The following JAK2 variants were observed in gnomAD, a reference collection of about 807,000 sequenced individuals.
JAK2 encodes tyrosine-protein kinase JAK2.
A neutral mutation model predicts 139.3 loss-of-function variants in JAK2; 86 were observed. The observed-to-expected ratio is 0.62, with a 90% CI of 0.52 to 0.74. The LOEUF is 0.74. Ranked by LOEUF, JAK2 falls within the 30% of genes least tolerant of loss-of-function variation. The pLI, the probability that JAK2 is intolerant of heterozygous loss-of-function variation, is 0.00. For missense variants in JAK2, 1,421 were observed against 1,360.3 expected, an observed-to-expected ratio of 1.04 and a Z score of -0.70; for synonymous variants, 490 against 437.7, an observed-to-expected ratio of 1.12 and a Z score of -1.49.
chr9:5,061,189 T>C (rs1020849679), intron 8 of JAK2, among the ~76,000 whole-genome samples: 5 of 152,206 alleles, frequency 3.3e-5, no homozygotes, highest in Admixed American at 2.0e-4. Context: ...CCTGGGATTT[T>C]TGGAATGGTA....
In JAK2 at chr9:5,081,757, C is replaced by G. The variant is rs1370354879; in HGVS notation, c.2467C>G (p.Pro823Ala). ...ACTATTAACAGAAAATGACATGTTACCAAATATGAGGATAGGTGCCCTGGG... is the reference window on the plus strand; with the variant it reads ...ACTATTAACAGAAAATGACATGTTAGCAAATATGAGGATAGGTGCCCTGGG... ...YELLTENDMLPNMRIGALGFS... is the reference protein window; with the variant it reads ...YELLTENDMLANMRIGALGFS... The change falls in exon 19 of 25, where the codon CCA becomes GCA. Residue 823 changes from proline to alanine, a missense_variant. Transcript: ENST00000381652. 3 of 1,600,454 alleles carry G rather than the reference C, an allele frequency of 1.9e-6. No homozygotes were observed. The highest frequency in any genetic ancestry group is 2.2e-5 in the East Asian group (1 of 44,806).
intron 2 of JAK2, among the ~76,000 whole-genome samples, chr9:4,992,882 C>G (rs1370207406): frequency 1.3e-5 from 2 of 152,166 alleles, no homozygotes. Context: ...GGTCTCAGTC[C>G]TGCTTCCTGG....
intron 12 of JAK2, among the ~76,000 whole-genome samples, chr9:5,070,750 G>T (rs1818903389): frequency 6.6e-6 from 1 of 151,894 alleles, no homozygotes; most frequent in African/African-American, 2.4e-5. Flanking sequence ...GACCTGTGCA[G>T]TCCAAACCCA....
At position 5,054,442 on chromosome 9, in the gene JAK2, C is replaced by A. The variant is rs1472721493; in HGVS notation, c.615-121C>A. 11 of 736,840 alleles carry A rather than the reference C, an allele frequency of 1.5e-5. No homozygotes were observed. The highest frequency in any genetic ancestry group is 2.5e-5 in the Non-Finnish European group (11 of 444,668). The allele number at this position is 736,840 out of a possible 1,614,324, so 45.6% of individuals were successfully genotyped here. On this transcript the variant is annotated intron_variant, in intron 6 of 24. Transcript: ENST00000381652. This position sits in a 1 kb window ranked among gnomAD's most constrained non-coding sequence, Gnocchi z 4.9. ...GGTTATGTCAACTTACGCCACTTGG[C>A]CACTGTGTTGTAAGGCCTACTTAAT...
intron 19 of JAK2, among the ~76,000 whole-genome samples, chr9:5,086,712 CCT>C (rs1481786459): frequency 6.6e-6 from 1 of 152,116 alleles, no homozygotes; most frequent in African/African-American, 2.4e-5. Flanking sequence ...CTGAAATCTC[CCT>C]GTCTGACTAT....
chr9:5,057,318 G>C (rs991662285), intron 8 of JAK2, among the ~76,000 whole-genome samples: 1 of 151,938 alleles, frequency 6.6e-6, no homozygotes, highest in Non-Finnish European at 1.5e-5. Context: ...AGTGTATTAT[G>C]TGTTAGTAAC....
intron 22 of JAK2, among the ~76,000 whole-genome samples, chr9:5,096,349 C>T (rs778329902): frequency 6.6e-6 from 1 of 152,146 alleles, no homozygotes; most frequent in Non-Finnish European, 1.5e-5. Flanking sequence ...CCAAGGACTG[C>T]AAAACTCTAT....
intron 22 of JAK2, among the ~76,000 whole-genome samples, chr9:5,117,571 T>G (rs937842542): frequency 6.6e-6 from 1 of 152,194 alleles, no homozygotes; most frequent in African/African-American, 2.4e-5. Flanking sequence ...CTTGCAAAAA[T>G]GTAAAACAAT....
At chr9:5,118,575 G>C (rs964189285) in intron 22 of JAK2, among the ~76,000 whole-genome samples, 2 of 152,114 alleles carry the variant, frequency 1.3e-5, no homozygotes, top group East Asian at 3.8e-4. Flanking sequence ...CAATTGGTTT[G>C]TATATCCTCG....
intron 21 of JAK2, 72 bp from the exon 22 acceptor site, chr9:5,090,667 T>A: frequency 6.6e-7 from 1 of 1,518,248 alleles, no homozygotes; most frequent in South Asian, 1.3e-5. Flanking sequence ...ATAAAGGGAA[T>A]ATATAGGGTT....
chr9:5,069,978 T>C lies in JAK2; in HGVS notation c.1567T>C (p.Ser523Pro). The change falls in exon 12 of 25, where the codon TCA becomes CCA. Residue 523 changes from serine (S) to proline (P), a missense_variant. Transcript: ENST00000381652. ...GAATGGTGTTTCTGATGTACCAACC[T>C]CACCAACATTACAGAGGCCTACTCA... is the stretch of plus-strand genomic sequence containing the variant. ...RTNGVSDVPT[S>P]PTLQRPTHMN... 1 of 1,608,024 alleles carries C rather than the reference T, an allele frequency of 6.2e-7. No individual in the cohort carries two copies. Among genetic ancestry groups the C allele is most frequent in the South Asian group, 1.1e-5 (1 of 90,634 alleles).
intron 2 of JAK2, among the ~76,000 whole-genome samples, chr9:5,013,064 G>GA (rs1288124625): frequency 6.6e-6 from 1 of 152,070 alleles, no homozygotes. Flanking sequence ...ATATAGGGGT[G>GA]AAAAAAGAGA....
intron 22 of JAK2, among the ~76,000 whole-genome samples, chr9:5,116,304 A>T (rs2130825997): frequency 6.6e-6 from 1 of 152,320 alleles, no homozygotes; most frequent in Non-Finnish European, 1.5e-5. Context: ...TAACCATGAT[A>T]ATGCTTTAAT....
At chr9:5,044,598 A>G (rs1816864341) in intron 5 of JAK2, 78 bp downstream of exon 5, 1 of 892,352 alleles carries the variant, frequency 1.1e-6, no homozygotes, top group Non-Finnish European at 1.7e-6. Flanking sequence ...TAATCAGGAA[A>G]AACTTTACAT....
At chr9:5,099,092 T>G (rs1288156613) in intron 22 of JAK2, 1 of 152,132 alleles carries the variant, frequency 6.6e-6, no homozygotes, top group African/African-American at 2.4e-5. Flanking sequence ...CCAACAGAAA[T>G]ACCCATCCAT....
At chr9:5,117,856 A>G (rs1823324951) in intron 22 of JAK2, among the ~76,000 whole-genome samples, 1 of 152,208 alleles carries the variant, frequency 6.6e-6, no homozygotes, top group African/African-American at 2.4e-5. Flanking sequence ...AGAGGCTAAT[A>G]GTAGAGAGGC....
chr9:5,072,566 A>T lies in JAK2; in HGVS notation c.1716A>T (p.Gln572His), dbSNP rs371734553. The part of the protein sequence containing the change: ...GVRREVGDYG[Q>H]LHETEVLLKV... ...GAAGAGAAGTAGGAGACTACGGTCA[A>T]CTGCATGAAACAGAAGTTCTTTTAA... Residue 572 changes from glutamine (Q) to histidine (H), a missense_variant, in exon 13 of 25, where the codon CAA (glutamine) becomes CAT (histidine). By Grantham distance (24) the Gln-to-His change is conservative (BLOSUM62 0). Coordinates refer to ENST00000381652, the MANE Select transcript of JAK2 (RefSeq NM_004972.4). The T allele has an allele frequency of 1.9e-6, 3 of 1,611,394 alleles. No homozygotes were observed. The African/African-American group carries it at 4.0e-5, about 22-fold the overall frequency.
Position 5,054,908 on chromosome 9 carries a change from GTTCT to G in JAK2, c.936+27_936+30del. ...AGGTAATCCTTAATGATATGTTCTTGTTCTTTGTTATTTTAAGTACAATGGAAAT... is the reference window on the plus strand; with the variant it reads ...AGGTAATCCTTAATGATATGTTCTTGTTGTTATTTTAAGTACAATGGAAAT... On this transcript the variant is annotated intron_variant, in intron 7 of 24. Coordinates refer to ENST00000381652, the MANE Select transcript of JAK2 (RefSeq NM_004972.4). The surrounding 1 kb of genome is among the most constrained non-coding windows in gnomAD (Gnocchi z 4.9). 1 of 1,478,724 alleles carries G rather than the reference GTTCT, an allele frequency of 6.8e-7. No individual in the cohort carries two copies. The highest frequency in any genetic ancestry group is 9.2e-7 in the Non-Finnish European group (1 of 1,088,130). 91.6% of individuals were successfully genotyped at this position (1,478,724 alleles called of 1,614,324 possible). A position where few individuals can be genotyped will look rare whatever the true frequency, so the allele number is the denominator to read the frequency against.
rs780797578 is a variant in JAK2, at chr9:5,089,661, A to G, written c.2572-13A>G. 32 of 1,295,340 alleles carry G rather than the reference A, an allele frequency of 2.5e-5. No homozygotes were observed. Among genetic ancestry groups the G allele is most frequent in the Non-Finnish European group, 2.2e-5 (22 of 1,001,674 alleles). 80.2% of individuals were successfully genotyped at this position (1,295,340 alleles called of 1,614,324 possible). ...AACTTGGTATTTCCATCCTAATGTG[A>G]TGTGTCATTTAGGGTAATTTTGGGA... On this transcript the variant is annotated splice_polypyrimidine_tract_variant and intron_variant, in intron 19 of 24. Coordinates refer to ENST00000381652, the MANE Select transcript of JAK2 (RefSeq NM_004972.4).
Sources: gnomAD v4.1 joint callset for allele counts (sites outside exome capture counted in the v4.1 genomes callset) on GRCh38, gnomAD v4.1.1 for gene constraint, Gnocchi (gnomAD v3.1) non-coding constraint, MANE v1.5 for transcripts, NCBI Gene and HGNC (gene_info 2026-07-23, HGNC 2026-07-21) for gene names.